SRGAP1: variants seen among roughly 807,000 people sequenced by gnomAD.
SRGAP1 encodes the protein SLIT-ROBO Rho GTPase activating protein 1, also known as SLIT-ROBO Rho GTPase-activating protein 1.
Under a neutral mutation model 121.9 loss-of-function variants are expected in SRGAP1, and 43 were observed. The ratio of observed to expected loss-of-function variants is 0.35; its 90% CI spans 0.28 to 0.46. The LOEUF is 0.46. Ranked by LOEUF, SRGAP1 falls within the 20% of genes least tolerant of loss-of-function variation. The probability of loss-of-function intolerance (pLI) is 1.00; values close to 1 mark genes in which losing one functional copy is unlikely to be tolerated. For missense variants in SRGAP1, 1,102 were observed against 1,350.9 expected (o/e 0.82, Z 2.89); for synonymous variants, 447 against 485.4 (o/e 0.92, Z 1.04).
At chr12:64,057,058 C>T (rs897156770) in intron 6 of SRGAP1, among the ~76,000 whole-genome samples, 3 of 152,254 alleles carry the variant, frequency 2.0e-5, no homozygotes, top group Admixed American at 6.5e-5. Context: ...AAATGAGTAG[C>T]AGCTCCTCTG....
At chr12:64,120,110 C>T (rs1307846654) in intron 18 of SRGAP1, among the ~76,000 whole-genome samples, 1 of 152,048 alleles carries the variant, frequency 6.6e-6, no homozygotes, top group African/African-American at 2.4e-5. Flanking sequence ...ATTTGATGTG[C>T]TTTTATATCT....
chr12:64,132,683 C>T (rs2036803195), intron 21 of SRGAP1, among the ~76,000 whole-genome samples: 1 of 152,236 alleles, frequency 6.6e-6, no homozygotes, highest in African/African-American at 2.4e-5. Flanking sequence ...AAATGTCTCA[C>T]CAATAAGTCC....
intron 6 of SRGAP1, among the ~76,000 whole-genome samples, chr12:64,052,466 A>G (rs2035254486): frequency 6.6e-6 from 1 of 152,028 alleles, no homozygotes. Flanking sequence ...GAGGCAGGAG[A>G]ATCGCTTGAA....
chr12:63,862,980 A>C (rs1172998497), intron 1 of SRGAP1, among the ~76,000 whole-genome samples: 1 of 152,118 alleles, frequency 6.6e-6, no homozygotes, highest in Non-Finnish European at 1.5e-5. Flanking sequence ...CTTTTTAGAA[A>C]CTTGCACTAG....
At chr12:63,857,518 A>T (rs187017974) in intron 1 of SRGAP1, among the ~76,000 whole-genome samples, 520 of 151,974 alleles carry the variant, frequency 3.4e-3, no homozygotes, top group Non-Finnish European at 5.2e-3. Context: ...AGTAGCTGGT[A>T]TTACAGGTGT....
At position 64,146,837 on chromosome 12, in the gene SRGAP1, A is replaced by C. The variant is rs2037059599; in HGVS notation, c.*4165A>C. 6.6e-6 allele frequency: 1 copy of C among 151,918 alleles called. No individual in the cohort carries two copies. The highest frequency in any genetic ancestry group is 1.5e-5 in the Non-Finnish European group (1 of 68,008). 9.4% of individuals were successfully genotyped at this position (151,918 alleles called of 1,614,324 possible). On this transcript the variant is annotated 3_prime_UTR_variant, in exon 22 of 22. Coordinates refer to ENST00000355086, the MANE Select transcript of SRGAP1 (RefSeq NM_020762.4). ...ACTTTGGCGAAGTTTTGTCAGATCCATAAAGCAAACTGGAATTTGAGCTTT... is the reference window on the plus strand; with the variant it reads ...ACTTTGGCGAAGTTTTGTCAGATCCCTAAAGCAAACTGGAATTTGAGCTTT...
chr12:64,021,963 T>C (rs1327497205), intron 4 of SRGAP1, among the ~76,000 whole-genome samples: 1 of 152,206 alleles, frequency 6.6e-6, no homozygotes, highest in Admixed American at 6.5e-5. Context: ...TTAGCAAGTT[T>C]GGGAGTAGGG....
chr12:64,106,183 A>G (rs374728614), intron 15 of SRGAP1, among the ~76,000 whole-genome samples: 2 of 152,288 alleles, frequency 1.3e-5, no homozygotes, highest in African/African-American at 4.8e-5. Context: ...GAGAATGAGG[A>G]AACTTCACTT....
In SRGAP1 at chr12:63,934,673, A is replaced by G. The variant is rs151286903; in HGVS notation, c.68-49274A>G. Among the ~76,000 whole-genome samples, 222 of 152,260 alleles carry G rather than the reference A, an allele frequency of 1.5e-3. 4 individuals are homozygous for G. The East Asian group carries it at 0.038, about 26-fold the overall frequency. On this transcript the variant is annotated intron_variant, in intron 1 of 21. Coordinates refer to ENST00000355086, the MANE Select transcript of SRGAP1 (RefSeq NM_020762.4). ...ACCACCCCCCCCAACAATCTGCTCC[A>G]TAAATATCCATAGACTGATGGATGC...
chr12:64,123,208 T>C (rs2036630395), intron 18 of SRGAP1, among the ~76,000 whole-genome samples: 1 of 152,174 alleles, frequency 6.6e-6, no homozygotes, highest in African/African-American at 2.4e-5. Flanking sequence ...TGTAAATAAA[T>C]TAGCATGCCA....
rs1486362128 is a variant in SRGAP1 at position 64,161,528 on chromosome 12, C to G, written c.*18856C>G. 2.9e-4 allele frequency: 44 copies of G among 152,048 alleles called. No homozygotes were observed. Among genetic ancestry groups the G allele is most frequent in the Admixed American group, 2.9e-3 (44 of 15,262 alleles). The allele number at this position is 152,048 out of a possible 1,614,324, so 9.4% of individuals were successfully genotyped here. Reference sequence around the variant, plus strand: ...CTGGCTGTTCATTTTTTTATAGAATCCTGTCCTTATTTGACAGGTCCTATA... The same window carrying G: ...CTGGCTGTTCATTTTTTTATAGAATGCTGTCCTTATTTGACAGGTCCTATA... On this transcript the variant is annotated 3_prime_UTR_variant, in exon 22 of 22. Transcript: ENST00000355086.
rs1417540203 is a variant in SRGAP1 at position 64,155,934 on chromosome 12, T to G, written c.*13262T>G. The G allele has an allele frequency of 6.6e-6, 1 of 152,246 alleles. No homozygotes were observed. Among genetic ancestry groups the G allele is most frequent in the Non-Finnish European group, 1.5e-5 (1 of 68,054 alleles). The allele number at this position is 152,246 out of a possible 1,614,324, so 9.4% of individuals were successfully genotyped here. ...ACAGGCATGAGCCACCACGCCTGGC[T>G]GAGTTAAATATTTTCTATGTGCCAA... On this transcript the variant is annotated 3_prime_UTR_variant, in exon 22 of 22. Transcript: ENST00000355086.
In SRGAP1 at chr12:64,151,632, C is replaced by T. The variant is rs932306390; in HGVS notation, c.*8960C>T. Reference sequence around the variant, plus strand: ...CCTGCCAGTAATGCATAACAGTACACGAGTATAAAACATGGTCATGTTTCT... The same window carrying T: ...CCTGCCAGTAATGCATAACAGTACATGAGTATAAAACATGGTCATGTTTCT... On this transcript the variant is annotated 3_prime_UTR_variant, in exon 22 of 22. Transcript: ENST00000355086. 7 of 152,106 alleles carry T rather than the reference C, an allele frequency of 4.6e-5. No individual in the cohort carries two copies. The highest frequency in any genetic ancestry group is 1.7e-4 in the African/African-American group (7 of 41,432). The allele number at this position is 152,106 out of a possible 1,614,324, so 9.4% of individuals were successfully genotyped here.
At chr12:64,123,050 G>T (rs1004363814) in intron 18 of SRGAP1, among the ~76,000 whole-genome samples, 2 of 152,192 alleles carry the variant, frequency 1.3e-5, no homozygotes, top group African/African-American at 4.8e-5. Flanking sequence ...GAATATTAAT[G>T]GTTCTGTCTT....
At chr12:63,974,131 AT>A (rs1479170054) in intron 1 of SRGAP1, among the ~76,000 whole-genome samples, 11 of 152,334 alleles carry the variant, frequency 7.2e-5, no homozygotes, top group African/African-American at 2.6e-4. Context: ...ATAGTGGATC[AT>A]TCAGATTTGC....
chr12:63,965,116 G>A (rs1030784215), intron 1 of SRGAP1, among the ~76,000 whole-genome samples: 3 of 152,128 alleles, frequency 2.0e-5, no homozygotes, highest in Admixed American at 2.0e-4. Flanking sequence ...TGTGTGCTTT[G>A]GGACTGTTAT....
intron 4 of SRGAP1, chr12:64,038,934 T>C (rs1467046452): frequency 6.6e-6 from 1 of 152,234 alleles, no homozygotes; most frequent in East Asian, 1.9e-4. Flanking sequence ...GAAGCTGTTA[T>C]TTTCTTTGCA....
intron 1 of SRGAP1, among the ~76,000 whole-genome samples, chr12:63,878,007 G>A (rs185744075): frequency 6.6e-6 from 1 of 152,314 alleles, no homozygotes; most frequent in East Asian, 1.9e-4. Flanking sequence ...CTACATTTGG[G>A]AGAATTAGCT....
chr12:64,036,597 C>T (rs2034910069), intron 4 of SRGAP1, among the ~76,000 whole-genome samples: 1 of 152,160 alleles, frequency 6.6e-6, no homozygotes, highest in Non-Finnish European at 1.5e-5. Context: ...CCCTGCCAAA[C>T]CACCACATCA....
Sources: allele counts gnomAD v4.1 joint callset (sites outside exome capture counted in the v4.1 genomes callset), GRCh38; gene constraint gnomAD v4.1.1; transcripts MANE v1.5; gene names NCBI Gene and HGNC (gene_info 2026-07-23, HGNC 2026-07-21).